The following SLIT3 variants were observed in gnomAD, a reference collection of about 807,000 sequenced individuals.
The protein encoded by SLIT3 is slit guidance ligand 3.
A neutral mutation model predicts 184.0 loss-of-function variants in SLIT3; 68 were observed. That is an observed-to-expected ratio of 0.37 (90% confidence interval 0.30 to 0.45). The LOEUF is 0.45. Among genes scored for constraint, SLIT3 ranks in the 20% least tolerant of loss-of-function variants. The probability of loss-of-function intolerance (pLI) is 1.00; values close to 1 mark genes in which losing one functional copy is unlikely to be tolerated. For synonymous variants in SLIT3, 831 were observed against 828.6 expected (o/e 1.00, Z -0.05); for missense variants, 1,707 against 2,026.0 (o/e 0.84, Z 3.02).
chr5:168,888,290 C>T (rs1760299514), intron 4 of SLIT3, among the ~76,000 whole-genome samples: 1 of 152,210 alleles, frequency 6.6e-6, no homozygotes, highest in Non-Finnish European at 1.5e-5. Flanking sequence ...GGTTAGGGAC[C>T]ACTCAAGAGA....
intron 4 of SLIT3, among the ~76,000 whole-genome samples, chr5:169,148,602 C>G (rs961365109): frequency 6.6e-6 from 1 of 152,168 alleles, no homozygotes; most frequent in African/African-American, 2.4e-5. Flanking sequence ...GCCAAGCAGG[C>G]ATAATATTTT....
Position 169,049,026 on chromosome 5 carries a change from G to A in SLIT3, c.413+144453C>T, listed in dbSNP as rs371500706. Among the ~76,000 whole-genome samples, 8 of 152,320 alleles carry A rather than the reference G, an allele frequency of 5.3e-5. No homozygotes were observed. The East Asian group carries it at 9.7e-4, about 18-fold the overall frequency. ...GACTGAAAATCCTGGTTGACTGAAT[G>A]GAGAGAATAGTCGGGCAGTTTCTTC... On this transcript the variant is annotated intron_variant, in intron 4 of 35. Coordinates refer to ENST00000519560, the MANE Select transcript of SLIT3 (RefSeq NM_003062.4).
intron 1 of SLIT3, among the ~76,000 whole-genome samples, chr5:169,265,288 G>A (rs568233654): frequency 3.3e-5 from 5 of 152,212 alleles, no homozygotes; most frequent in African/African-American, 1.2e-4. Context: ...TTCTCACTGT[G>A]ATTTTCACAT....
chr5:168,797,662 C>A (rs1436863512), intron 9 of SLIT3, among the ~76,000 whole-genome samples: 12 of 152,148 alleles, frequency 7.9e-5, no homozygotes, highest in Admixed American at 7.9e-4. Flanking sequence ...CATCACAGAA[C>A]CAAATTTTAT....
chr5:169,068,260 A>G (rs548159333), intron 4 of SLIT3, among the ~76,000 whole-genome samples: 1 of 152,346 alleles, frequency 6.6e-6, no homozygotes, highest in South Asian at 2.1e-4. Flanking sequence ...TTAATATAAC[A>G]TTTCTTCACT....
chr5:168,759,914 C>A lies in SLIT3; in HGVS notation c.1685+948G>T, dbSNP rs571884819. ...AAGGCAGAGGGGCCAAAGAGTGCCC[C>A]CCTGGGGATTAGATGGTAAAGAGCC... On this transcript the variant is annotated intron_variant, in intron 16 of 35. Transcript: ENST00000519560. 2.1e-3 allele frequency among the ~76,000 whole-genome samples: 325 copies of A among 152,212 alleles called. 1 individual carries two copies. Among genetic ancestry groups the A allele is most frequent in the Admixed American group, 3.7e-3 (56 of 15,292 alleles).
intron 4 of SLIT3, among the ~76,000 whole-genome samples, chr5:169,132,318 G>C (rs1319634414): frequency 1.3e-5 from 2 of 151,222 alleles, no homozygotes; most frequent in Admixed American, 6.6e-5. Context: ...GGGCCTGAAA[G>C]AGAGGAAAAA....
chr5:168,968,529 A>G (rs1317317215), intron 4 of SLIT3, among the ~76,000 whole-genome samples: 1 of 152,222 alleles, frequency 6.6e-6, no homozygotes, highest in African/African-American at 2.4e-5. Flanking sequence ...GAATCCTCCT[A>G]TGAACTTGTG....
At chr5:168,795,100 C>T (rs1756520635) in intron 10 of SLIT3, among the ~76,000 whole-genome samples, 1 of 152,114 alleles carries the variant, frequency 6.6e-6, no homozygotes, top group South Asian at 2.1e-4. Context: ...GAATGTATGC[C>T]TGGTTGGAGG....
chr5:169,063,647 A>G (rs1758250682), intron 4 of SLIT3, among the ~76,000 whole-genome samples: 1 of 152,182 alleles, frequency 6.6e-6, no homozygotes, highest in Non-Finnish European at 1.5e-5. Flanking sequence ...TGAAAGTTTT[A>G]TGTGTGTGAT....
intron 6 of SLIT3, among the ~76,000 whole-genome samples, chr5:168,829,382 G>A (rs1352403041): frequency 6.6e-6 from 1 of 152,174 alleles, no homozygotes; most frequent in African/African-American, 2.4e-5. Flanking sequence ...CCTTCCTGTG[G>A]GTATTCTTGG....
intron 29 of SLIT3, among the ~76,000 whole-genome samples, chr5:168,687,973 C>G (rs1187109481): frequency 1.3e-5 from 2 of 152,220 alleles, no homozygotes; most frequent in Non-Finnish European, 2.9e-5. Flanking sequence ...ATTGCCCCTT[C>G]TAGACAAGGT....
Position 169,115,877 on chromosome 5 carries a change from C to T in SLIT3, c.413+77602G>A, listed in dbSNP as rs1760643661. Reference sequence around the variant, plus strand: ...GCTCCTGACAGCCATGGAAGGCCACCCCCACTTTGGACAAGGGCCACCCAG... The same window carrying T: ...GCTCCTGACAGCCATGGAAGGCCACTCCCACTTTGGACAAGGGCCACCCAG... On this transcript the variant is annotated intron_variant, in intron 4 of 35. Coordinates refer to ENST00000519560, the MANE Select transcript of SLIT3 (RefSeq NM_003062.4). Among the ~76,000 whole-genome samples, 9 of 152,276 alleles carry T rather than the reference C, an allele frequency of 5.9e-5. 1 individual carries two copies. The South Asian group carries it at 1.9e-3, about 32-fold the overall frequency.
intron 4 of SLIT3, among the ~76,000 whole-genome samples, chr5:168,940,827 C>A (rs981055900): frequency 4.6e-5 from 7 of 152,144 alleles, no homozygotes; most frequent in Non-Finnish European, 1.0e-4. Context: ...TCTGCAGCAA[C>A]CAGATGTGGC....
Position 168,796,864 on chromosome 5 carries a change from G to C in SLIT3, c.936-1286C>G, listed in dbSNP as rs376320704. ...ACATCTCAGCTGCTAATGTGGAATG[G>C]TTTGTCAGGCCAACCCATAACACAG... is the stretch of plus-strand genomic sequence containing the variant. On this transcript the variant is annotated intron_variant, in intron 9 of 35. Transcript: ENST00000519560. 1.3e-4 allele frequency among the ~76,000 whole-genome samples: 20 copies of C among 152,200 alleles called. No individual in the cohort carries two copies. The South Asian group carries it at 4.2e-3, about 32-fold the overall frequency.
At chr5:169,258,491 T>A (rs1766054079) in intron 1 of SLIT3, among the ~76,000 whole-genome samples, 1 of 152,204 alleles carries the variant, frequency 6.6e-6, no homozygotes, top group South Asian at 2.1e-4. Flanking sequence ...GAGGAAGAGC[T>A]TTCTTGCTGT....
chr5:169,251,849 T>C (rs1400245296), intron 1 of SLIT3, among the ~76,000 whole-genome samples: 1 of 152,108 alleles, frequency 6.6e-6, no homozygotes, highest in Non-Finnish European at 1.5e-5. Context: ...CCACAGCAAA[T>C]GTTTCAGAAA....
chr5:168,917,581 C>T (rs916769905), intron 4 of SLIT3, among the ~76,000 whole-genome samples: 3 of 152,208 alleles, frequency 2.0e-5, no homozygotes, highest in Non-Finnish European at 4.4e-5. Context: ...AAGATGGCCA[C>T]AGCCCTTCCC....
At chr5:169,217,364 A>G (rs1044585007) in intron 3 of SLIT3, among the ~76,000 whole-genome samples, 1 of 152,114 alleles carries the variant, frequency 6.6e-6, no homozygotes, top group East Asian at 1.9e-4. Flanking sequence ...ATATAGAGCA[A>G]ATTATGCCTA....
Sources: gnomAD v4.1 joint callset for allele counts (sites outside exome capture counted in the v4.1 genomes callset) on GRCh38, gnomAD v4.1.1 for gene constraint, MANE v1.5 for transcripts, NCBI Gene and HGNC (gene_info 2026-07-23, HGNC 2026-07-21) for gene names.